ATXN2: variants seen among roughly 807,000 people sequenced by gnomAD.
The protein encoded by ATXN2 is ataxin 2, also known as ataxin-2.
A neutral mutation model predicts 138.6 loss-of-function variants in ATXN2; 37 were observed. The observed-to-expected ratio is 0.27, with a 90% CI of 0.21 to 0.35. The LOEUF is 0.35. Ranked by LOEUF, ATXN2 falls within the 10% of genes least tolerant of loss-of-function variation. The pLI is 1.00. For synonymous variants in ATXN2, 549 were observed against 543.7 expected, an observed-to-expected ratio of 1.01 and a Z score of -0.13; for missense variants, 1,216 against 1,480.3, an observed-to-expected ratio of 0.82 and a Z score of 2.93.
intron 21 of ATXN2, among the ~76,000 whole-genome samples, chr12:111,461,916 C>G (rs1042375483): frequency 7.1e-5 from 10 of 140,600 alleles, no homozygotes; most frequent in African/African-American, 2.4e-4. Context: ...AGTGAGACTC[C>G]ATCTCAAAAG....
chr12:111,516,449 C>T lies in ATXN2; in HGVS notation c.1166-86G>A, dbSNP rs118031840. 8.0e-7 allele frequency: 1 copy of T among 1,256,788 alleles called. No homozygotes were observed. The highest frequency in any genetic ancestry group is 2.7e-5 in the East Asian group (1 of 37,722). 77.9% of individuals were successfully genotyped at this position (1,256,788 alleles called of 1,614,324 possible). On this transcript the variant is annotated intron_variant, in intron 9 of 24. Coordinates refer to ENST00000673436, the MANE Select transcript of ATXN2 (RefSeq NM_001372574.1). This position sits in a 1 kb window ranked among gnomAD's most constrained non-coding sequence, Gnocchi z 5.0. Reference sequence around the variant, plus strand: ...AGTAAACAGAAAAAAAGTAAAATGACAAAAATGATTTCTTGTACATTTTAA... The same window carrying T: ...AGTAAACAGAAAAAAAGTAAAATGATAAAAATGATTTCTTGTACATTTTAA...
chr12:111,490,531 A>T (rs1409243924), intron 14 of ATXN2, among the ~76,000 whole-genome samples: 1 of 152,132 alleles, frequency 6.6e-6, no homozygotes, highest in Non-Finnish European at 1.5e-5. Context: ...TAAAAAAAGG[A>T]GATGGCAGGG....
intron 12 of ATXN2, 73 bp downstream of exon 12, chr12:111,510,312 T>C: frequency 6.8e-7 from 1 of 1,467,022 alleles, no homozygotes; most frequent in Non-Finnish European, 9.3e-7. Context: ...CTAGAATTTT[T>C]TCATATAATA....
intron 2 of ATXN2, among the ~76,000 whole-genome samples, chr12:111,555,421 AT>A (rs1381597440): frequency 6.6e-6 from 1 of 152,182 alleles, no homozygotes; most frequent in East Asian, 1.9e-4. Flanking sequence ...TAACTGAATC[AT>A]GGGGGCAGTT....
At chr12:111,499,598 C>T (rs1209545826) in intron 14 of ATXN2, among the ~76,000 whole-genome samples, 4 of 151,288 alleles carry the variant, frequency 2.6e-5, no homozygotes, top group Non-Finnish European at 5.9e-5. Context: ...TGCTTGAATC[C>T]GGGAGGTGTA....
intron 18 of ATXN2, among the ~76,000 whole-genome samples, chr12:111,482,313 G>A (rs1400229822): frequency 6.7e-6 from 1 of 150,328 alleles, no homozygotes; most frequent in Non-Finnish European, 1.5e-5. Context: ...TCCTGCCTCA[G>A]CCTCCCGAGT....
At chr12:111,463,214 T>C (rs1875726389) in intron 21 of ATXN2, among the ~76,000 whole-genome samples, 2 of 152,226 alleles carry the variant, frequency 1.3e-5, no homozygotes. Flanking sequence ...GGTGACAATA[T>C]TAATGGCACA....
chr12:111,568,439 C>T (rs1458538931), intron 1 of ATXN2, among the ~76,000 whole-genome samples: 1 of 152,122 alleles, frequency 6.6e-6, no homozygotes, highest in African/African-American at 2.4e-5. Flanking sequence ...GTTTCTAATG[C>T]TATTTCAACA....
Position 111,513,387 on chromosome 12 carries a change from C to A in ATXN2, c.1528G>T (p.Gly510Trp). Reference protein sequence around the residue: ...TPPVARTSPSGGTWSSVVSGV... With the variant: ...TPPVARTSPSWGTWSSVVSGV... Reference sequence around the variant, plus strand: ...CTGACCACTGATGACCACGTTCCCCCCGAGGGACTGGTCCTTGCTACTGGA... The same window carrying A: ...CTGACCACTGATGACCACGTTCCCCACGAGGGACTGGTCCTTGCTACTGGA... Residue 510 changes from glycine (G) to tryptophan (W), a missense_variant, in exon 11 of 25, where the codon GGG becomes TGG. Gly to Trp is a radical substitution (Grantham distance 184). Coordinates refer to ENST00000673436, the MANE Select transcript of ATXN2 (RefSeq NM_001372574.1). 2 of 1,613,794 alleles carry A rather than the reference C, an allele frequency of 1.2e-6. No homozygotes were observed. The highest frequency in any genetic ancestry group is 8.5e-7 in the Non-Finnish European group (1 of 1,179,964).
chr12:111,552,518 T>A lies in ATXN2; in HGVS notation c.421-88A>T. On this transcript the variant is annotated intron_variant, in intron 4 of 24. Transcript: ENST00000673436. This position sits in a 1 kb window ranked among gnomAD's most constrained non-coding sequence, Gnocchi z 4.1. The stretch of plus-strand genomic sequence containing the variant: ...TTTAGCTCATCAAGGTACCAGTTCT[T>A]ATATGCCTTTGACAAAAATAATCTC... 1 of 1,353,310 alleles carries A rather than the reference T, an allele frequency of 7.4e-7. No homozygotes were observed. The highest frequency in any genetic ancestry group is 9.9e-7 in the Non-Finnish European group (1 of 1,005,900). The allele number at this position is 1,353,310 out of a possible 1,614,324, so 83.8% of individuals were successfully genotyped here.
chr12:111,590,045 A>G (rs1196494403), intron 1 of ATXN2, among the ~76,000 whole-genome samples: 1 of 148,494 alleles, frequency 6.7e-6, no homozygotes. Context: ...CCCCATCTCT[A>G]CTAAAAAAAA....
At chr12:111,483,452 CTTTTTTT>C (rs927752030) in intron 18 of ATXN2, among the ~76,000 whole-genome samples, 27 of 107,212 alleles carry the variant, frequency 2.5e-4, no homozygotes, top group Admixed American at 8.2e-4. Flanking sequence ...TAAAAGAACT[CTTTTTTT>C]TTTTTTTTTT....
Position 111,552,353 on chromosome 12 carries a change from C to G in ATXN2, c.498G>C (p.Glu166Asp), listed in dbSNP as rs750351701. 2 of 1,613,734 alleles carry G rather than the reference C, an allele frequency of 1.2e-6. No individual in the cohort carries two copies. Among genetic ancestry groups the G allele is most frequent in the South Asian group, 2.2e-5 (2 of 91,050 alleles). ...SSGPKREEIM[E>D]SILFKCSDFV... Reference sequence around the variant, plus strand: ...AGTCTGAACATTTGAACAAAATACTCTCCATTATTTCTTCACGTTTCGGCC... The same window carrying G: ...AGTCTGAACATTTGAACAAAATACTGTCCATTATTTCTTCACGTTTCGGCC... The change falls in exon 5 of 25, where the codon GAG becomes GAC. Residue 166 changes from glutamate (E) to aspartate (D), a missense_variant. Glu to Asp is a conservative substitution (Grantham distance 45). Transcript: ENST00000673436. This position sits in a 1 kb window ranked among gnomAD's most constrained non-coding sequence, Gnocchi z 4.1.
At chr12:111,489,097 T>C (rs1029388) in intron 14 of ATXN2, among the ~76,000 whole-genome samples, 57,792 of 152,060 alleles carry the variant, frequency 0.38, 15,074 homozygotes, top group East Asian at 0.9. Context: ...TACTTGTCAT[T>C]TAAATAAGAT....
chr12:111,531,109 ACT>A (rs1379532773), intron 5 of ATXN2, among the ~76,000 whole-genome samples: 2 of 151,260 alleles, frequency 1.3e-5, no homozygotes, highest in Admixed American at 6.6e-5. Flanking sequence ...CAAGAGCGAA[ACT>A]CTGTTTAAAA....
Position 111,552,867 on chromosome 12 carries a change from CT to C in ATXN2, c.420+38del. 7.3e-7 allele frequency: 1 copy of C among 1,375,216 alleles called. No individual in the cohort carries two copies. The highest frequency in any genetic ancestry group is 2.5e-5 in the East Asian group (1 of 40,676). The allele number at this position is 1,375,216 out of a possible 1,614,324, so 85.2% of individuals were successfully genotyped here. On this transcript the variant is annotated intron_variant, in intron 4 of 24. Transcript: ENST00000673436. The surrounding 1 kb of genome is among the most constrained non-coding windows in gnomAD (Gnocchi z 4.1). ...GTAAAACACTGACTATGAAAATGTTCTTTTACTTTGTAAGAAAAAGAAAAAA... is the reference window on the plus strand; with the variant it reads ...GTAAAACACTGACTATGAAAATGTTCTTTACTTTGTAAGAAAAAGAAAAAA...
chr12:111,500,810 T>C (rs1262385959), intron 14 of ATXN2, among the ~76,000 whole-genome samples: 4 of 152,146 alleles, frequency 2.6e-5, no homozygotes, highest in East Asian at 3.9e-4. Flanking sequence ...GAGGCGGAGG[T>C]TGCAGTGAGT....
rs1472170516 is a variant in ATXN2 at position 111,456,129 on chromosome 12, T to A, written c.3170A>T (p.Gln1057Leu). The A allele has an allele frequency of 6.2e-7, 1 of 1,614,108 alleles. No homozygotes were observed. Among genetic ancestry groups the A allele is most frequent in the Non-Finnish European group, 8.5e-7 (1 of 1,180,052 alleles). Reference protein sequence around the residue: ...MTPASNTQSPQNSFPAAQQTV... With the variant: ...MTPASNTQSPLNSFPAAQQTV... ...CTGTTGTGCTGCTGGGAAACTATTCTGTGGCGACTGCGTGTTGGAGGCAGG... is the reference window on the plus strand; with the variant it reads ...CTGTTGTGCTGCTGGGAAACTATTCAGTGGCGACTGCGTGTTGGAGGCAGG... The change falls in exon 23 of 25, where the codon CAG becomes CTG. Residue 1057 changes from glutamine to leucine, a missense_variant. Around this residue, in one of 4 missense-constraint regions of ATXN2, gnomAD observed 490 missense variants for 653.5 expected, o/e 0.75. Coordinates refer to ENST00000673436, the MANE Select transcript of ATXN2 (RefSeq NM_001372574.1).
intron 5 of ATXN2, among the ~76,000 whole-genome samples, chr12:111,540,093 C>T (rs1358673293): frequency 6.7e-6 from 1 of 150,328 alleles, no homozygotes; most frequent in Non-Finnish European, 1.5e-5. Flanking sequence ...TTCAAGTACA[C>T]ATGCCCACTT....
Sources: gnomAD v4.1 joint callset for allele counts (sites outside exome capture counted in the v4.1 genomes callset) on GRCh38, gnomAD v4.1.1 for gene constraint, gnomAD v4.1.1 regional missense constraint, Gnocchi (gnomAD v3.1) non-coding constraint, MANE v1.5 for transcripts, NCBI Gene and HGNC (gene_info 2026-07-23, HGNC 2026-07-21) for gene names.